TGDS: variants seen among roughly 807,000 people sequenced by gnomAD.
The protein encoded by TGDS is UDP-D-glucose 4,6-dehydratase.
TGDS carries 47 observed loss-of-function variants against 52.3 expected under a neutral mutation model. The observed-to-expected ratio is 0.90, with a 90% CI of 0.71 to 1.15. The LOEUF is 1.15. Ranked by LOEUF, TGDS falls within the 50% of genes most tolerant of loss-of-function variation. The pLI is 0.00. For synonymous variants in TGDS, 115 were observed against 136.9 expected, an observed-to-expected ratio of 0.84 and a Z score of 1.12; for missense variants, 375 against 418.4, an observed-to-expected ratio of 0.90 and a Z score of 0.90.
chr13:94,590,812 G>C (rs1328491084), intron 4 of TGDS, 41 bp downstream of exon 4: 1 of 1,473,456 alleles, frequency 6.8e-7, no homozygotes, highest in Non-Finnish European at 9.1e-7. Flanking sequence ...AGGGCGGGGA[G>C]AGAACTGCCA....
Position 94,578,125 on chromosome 13 carries a change from A to T in TGDS, c.705T>A (p.Ala235=). Residue 235 remains alanine, a synonymous_variant, in exon 9 of 12, where the codon GCT becomes GCA. Transcript: ENST00000261296. The stretch of plus-strand genomic sequence containing the variant: ...TGAGAAATGCTTCTACAACATCAGT[A>T]GCATAAAGGAAGTTTCTTGTTTGAA... ...SGLQTRNFLY[A]TDVVEAFLTV... 1 of 1,613,878 alleles carries T rather than the reference A, an allele frequency of 6.2e-7. No individual in the cohort carries two copies. Among genetic ancestry groups the T allele is most frequent in the Non-Finnish European group, 8.5e-7 (1 of 1,179,870 alleles).
At chr13:94,588,880 G>A (rs1889095229) in intron 4 of TGDS, among the ~76,000 whole-genome samples, 1 of 152,082 alleles carries the variant, frequency 6.6e-6, no homozygotes, top group Non-Finnish European at 1.5e-5. Context: ...TTGATATGAC[G>A]GAGGGCAGAA....
chr13:94,582,414 T>C lies in TGDS; in HGVS notation c.456+680A>G, dbSNP rs190622044. On this transcript the variant is annotated intron_variant, in intron 5 of 11. Transcript: ENST00000261296. ...TCTTGCAAAATTACAAATAAATCTG[T>C]ACCTAAAGAGAATTCTGGGGCATGA... Among the ~76,000 whole-genome samples, 643 of 152,252 alleles carry C rather than the reference T, an allele frequency of 4.2e-3. 4 individuals are homozygous for C. The highest frequency in any genetic ancestry group is 0.014 in the African/African-American group (595 of 41,556).
chr13:94,593,553 T>TA (rs1471966994), intron 2 of TGDS, among the ~76,000 whole-genome samples: 8 of 152,298 alleles, frequency 5.3e-5, no homozygotes, highest in African/African-American at 1.4e-4. Flanking sequence ...GAATTTTTCT[T>TA]ATAGTTTTTT....
At chr13:94,589,743 C>T (rs944045344) in intron 4 of TGDS, among the ~76,000 whole-genome samples, 3 of 152,286 alleles carry the variant, frequency 2.0e-5, no homozygotes, top group Middle Eastern at 6.8e-3. Context: ...AACCACTACA[C>T]AGCACTGAAA....
intron 7 of TGDS, 27 bp from the exon 8 acceptor site, chr13:94,578,800 A>G (rs761000490): frequency 5.1e-6 from 7 of 1,385,560 alleles, no homozygotes; most frequent in Non-Finnish European, 7.1e-6. Flanking sequence ...ATATCATTTC[A>G]GACTGGATAT....
chr13:94,579,849 G>A (rs765210036), intron 7 of TGDS, 45 bp downstream of exon 7: 8 of 1,103,454 alleles, frequency 7.2e-6, no homozygotes, highest in South Asian at 6.9e-5. Context: ...ACAATGAGAA[G>A]TTACAATCAC....
chr13:94,577,046 G>A (rs1555341942), intron 10 of TGDS, among the ~76,000 whole-genome samples: 1 of 151,206 alleles, frequency 6.6e-6, no homozygotes, highest in Non-Finnish European at 1.5e-5. Context: ...AGATTGCAGT[G>A]AGCCGAGATT....
At chr13:94,590,574 A>C (rs1889160545) in intron 4 of TGDS, among the ~76,000 whole-genome samples, 1 of 152,190 alleles carries the variant, frequency 6.6e-6, no homozygotes. Flanking sequence ...AAACAACATA[A>C]AAAATACAGT....
At position 94,596,152 on chromosome 13, in the gene TGDS, T is replaced by C. The variant is rs1294856477; in HGVS notation, c.-16A>G. The C allele has an allele frequency of 6.2e-7, 1 of 1,612,972 alleles. No individual in the cohort carries two copies. The highest frequency in any genetic ancestry group is 1.1e-5 in the South Asian group (1 of 90,910). On this transcript the variant is annotated 5_prime_UTR_variant, in exon 1 of 12. Coordinates refer to ENST00000261296, the MANE Select transcript of TGDS (RefSeq NM_014305.4). ...CCGCCGACATCTCCCAGCTCAGCAG[T>C]GCCTAGTACCGTAAAGAGTATGGTC... is the stretch of plus-strand genomic sequence containing the variant.
chr13:94,591,250 T>C (rs560848234), intron 3 of TGDS, among the ~76,000 whole-genome samples: 8 of 152,330 alleles, frequency 5.3e-5, no homozygotes, highest in Non-Finnish European at 1.0e-4. Flanking sequence ...TACAAAACTT[T>C]TTTTAGCACT....
In TGDS at chr13:94,581,276, T is replaced by C. The variant is rs1888782003; in HGVS notation, c.457-87A>G. The C allele has an allele frequency of 1.2e-5, 10 of 864,054 alleles. No individual in the cohort carries two copies. The South Asian group carries it at 2.6e-4, about 22-fold the overall frequency. The allele number at this position is 864,054 out of a possible 1,614,324, so 53.5% of individuals were successfully genotyped here. A position where few individuals can be genotyped will look rare whatever the true frequency, so the allele number is the denominator to read the frequency against. On this transcript the variant is annotated intron_variant, in intron 5 of 11. Transcript: ENST00000261296. The stretch of plus-strand genomic sequence containing the variant: ...CATATGTTAACACTTCAAATGTCAA[T>C]CACCAAATTTTAAAAGCCACTTCTT...
intron 10 of TGDS, among the ~76,000 whole-genome samples, chr13:94,576,778 T>C (rs888368425): frequency 1.4e-4 from 22 of 152,150 alleles, no homozygotes; most frequent in African/African-American, 5.1e-4. Context: ...ATACACATTA[T>C]AAATAAGTGT....
At position 94,585,309 on chromosome 13, in the gene TGDS, A is replaced by C. The variant is rs1005666289; in HGVS notation, c.314-2073T>G. The stretch of plus-strand genomic sequence containing the variant: ...GTGATCCACCTACCTCAGCCTCCCA[A>C]AGTGTTGGGATTACAGGCGTGAGCC... On this transcript the variant is annotated intron_variant, in intron 4 of 11. Transcript: ENST00000261296. Among the ~76,000 whole-genome samples the C allele has an allele frequency of 5.3e-5, 8 of 152,082 alleles. No homozygotes were observed. In the South Asian group the frequency reaches 1.7e-3, roughly 32 times the overall value.
chr13:94,578,207 AAAAGGTAAACTCTCCT>A (rs764864018), intron 8 of TGDS, 37 bp from the exon 9 acceptor site: 1 of 1,604,684 alleles, frequency 6.2e-7, no homozygotes, highest in South Asian at 1.1e-5. Flanking sequence ...ATAAAGTGTA[AAAAGGTAAACTCTCCT>A]AAAGCATTGA....
chr13:94,592,399 T>TTCTTG, intron 2 of TGDS, 90 bp from the exon 3 acceptor site: 1 of 976,692 alleles, frequency 1.0e-6, no homozygotes, highest in Non-Finnish European at 1.5e-6. Flanking sequence ...ACTACAGATG[T>TTCTTG]TACTGGTTAC....
At chr13:94,581,826 C>T (rs1888805742) in intron 5 of TGDS, among the ~76,000 whole-genome samples, 1 of 152,006 alleles carries the variant, frequency 6.6e-6, no homozygotes, top group South Asian at 2.1e-4. Flanking sequence ...CTGCAGACAC[C>T]AATTATAAAA....
At chr13:94,592,114 A>T (rs953688608) in intron 3 of TGDS, 127 bp downstream of exon 3, 4 of 604,318 alleles carry the variant, frequency 6.6e-6, no homozygotes, top group Non-Finnish European at 1.1e-5. Flanking sequence ...TAACTACCTG[A>T]TCTTTTAAAA....
chr13:94,581,231 T>A, intron 5 of TGDS, 42 bp from the exon 6 acceptor site: 1 of 1,313,300 alleles, frequency 7.6e-7, no homozygotes, highest in East Asian at 2.6e-5. Context: ...TTATGCATAT[T>A]TTAAGTATAG....
Sources: gnomAD v4.1 joint callset for allele counts (sites outside exome capture counted in the v4.1 genomes callset) on GRCh38, gnomAD v4.1.1 for gene constraint, MANE v1.5 for transcripts, NCBI Gene and HGNC (gene_info 2026-07-23, HGNC 2026-07-21) for gene names.